Variants in CXorf38 observed in about 807,000 individuals in gnomAD.
CXorf38 encodes the protein uncharacterized protein CXorf38.
A neutral mutation model predicts 27.5 loss-of-function variants in CXorf38; 13 were observed. That is an observed-to-expected ratio of 0.47 (90% CI 0.31 to 0.75). The LOEUF is 0.75. Among genes scored for constraint, CXorf38 ranks in the 30% least tolerant of loss-of-function variants. The probability of loss-of-function intolerance (pLI) is 0.05; values close to 1 mark genes in which losing one functional copy is unlikely to be tolerated. For missense variants in CXorf38, 240 were observed against 253.2 expected, an observed-to-expected ratio of 0.95 and a Z score of 0.35; for synonymous variants, 100 against 99.8, an observed-to-expected ratio of 1.00 and a Z score of -0.01.
intron 2 of CXorf38, among the ~76,000 whole-genome samples, chrX:40,646,297 C>G (rs1474504126): frequency 9.2e-6 from 1 of 108,329 alleles, no homozygotes; most frequent in African/African-American, 3.4e-5. Flanking sequence ...TGTCACACCA[C>G]GGCAGCTGAT....
rs758989465 is a variant in CXorf38 at position 40,636,571 on chromosome X, A to G, written c.763T>C (p.Tyr255His). 2.7e-5 allele frequency: 33 copies of G among 1,202,654 alleles called. No homozygotes were observed. In the African/African-American group the frequency reaches 2.8e-4, roughly 10 times the overall value. The change falls in exon 5 of 7, where the codon TAT (tyrosine) becomes CAT (histidine). Residue 255 changes from tyrosine (Y) to histidine (H), a missense_variant. Tyr to His is a moderately conservative substitution (Grantham distance 83). Transcript: ENST00000327877. ...QLLKEKLQEI[Y>H]LQAEEQEVLP... ...ACCTCTTGTTCTTCTGCTTGAAGAT[A>G]TATCTCTTGAAGTTTCTCCTTTAGT...
In CXorf38 at chrX:40,647,531, T is replaced by A. The variant is rs1232107423; in HGVS notation, c.-11A>T. 14 of 1,177,554 alleles carry A rather than the reference T, an allele frequency of 1.2e-5. No homozygotes were observed. The highest frequency in any genetic ancestry group is 1.6e-5 in the Non-Finnish European group (14 of 883,881). ...CTCCGACAGCACCATGTCTCCCACT[T>A]GGAACCAGGAGGTTGCGGGGCGTGG... On this transcript the variant is annotated 5_prime_UTR_variant, in exon 1 of 7. Coordinates refer to ENST00000327877, the MANE Select transcript of CXorf38 (RefSeq NM_144970.3).
chrX:40,644,258 G>A (rs775521563), intron 2 of CXorf38, among the ~76,000 whole-genome samples: 1 of 112,443 alleles, frequency 8.9e-6, no homozygotes, highest in South Asian at 3.7e-4. Flanking sequence ...AGCTGCAAGA[G>A]AGAGAGTGGA....
At chrX:40,640,136 G>C in intron 2 of CXorf38, 1 of 293,022 alleles carries the variant, frequency 3.4e-6, no homozygotes, top group Non-Finnish European at 6.4e-6. Context: ...TTTGAGCCCA[G>C]CCTGGGCAAC....
At position 40,627,175 on chromosome X, in the gene CXorf38, A is replaced by G; in HGVS notation, c.*2989T>C. On this transcript the variant is annotated 3_prime_UTR_variant, in exon 7 of 7. Coordinates refer to ENST00000327877, the MANE Select transcript of CXorf38 (RefSeq NM_144970.3). Reference sequence around the variant, plus strand: ...CAAAGAGCATTACAGCTTGCTATGCATTTTTTTTTTTGGGGGGGGGGGGTT... The same window carrying G: ...CAAAGAGCATTACAGCTTGCTATGCGTTTTTTTTTTTGGGGGGGGGGGGTT... 1 of 68,671 alleles carries G rather than the reference A, an allele frequency of 1.5e-5. No homozygotes were observed. The highest frequency in any genetic ancestry group is 9.2e-4 in the South Asian group (1 of 1,087). 5.7% of individuals were successfully genotyped at this position (68,671 alleles called of 1,213,427 possible).
At chrX:40,631,204 T>G (rs189675631) in intron 5 of CXorf38, among the ~76,000 whole-genome samples, 9 of 107,272 alleles carry the variant, frequency 8.4e-5, no homozygotes, top group Non-Finnish European at 1.5e-4. Context: ...TATATACGTG[T>G]GTACATATAT....
rs1928100805 is a variant in CXorf38 at position 40,637,046 on chromosome X, G to A, written c.582C>T (p.Asn194=). Residue 194 remains asparagine (N), a synonymous_variant, in exon 4 of 7, where the codon AAC becomes AAT. Coordinates refer to ENST00000327877, the MANE Select transcript of CXorf38 (RefSeq NM_144970.3). ...KIQNFLNEFK[N]IPEIVAVYSR... ...AGTATACTGCCACAATCTCTGGGAT[G>A]TTCTTGAATTCATTCAGAAAATTTT... is the stretch of plus-strand genomic sequence containing the variant. 1.7e-6 allele frequency: 2 copies of A among 1,206,639 alleles called. No individual in the cohort carries two copies. The highest frequency in any genetic ancestry group is 3.0e-5 in the East Asian group (1 of 33,821).
chrX:40,630,458 C>A, intron 6 of CXorf38, 156 bp downstream of exon 6: 1 of 478,909 alleles, frequency 2.1e-6, no homozygotes, highest in Non-Finnish European at 3.3e-6. Flanking sequence ...AAGTGAAGAA[C>A]ACAAACCTCA....
At chrX:40,647,244 G>T in intron 1 of CXorf38, 61 bp downstream of exon 1, 1 of 899,884 alleles carries the variant, frequency 1.1e-6, no homozygotes. Context: ...TCTGGGACAG[G>T]AACGGGGATG....
intron 2 of CXorf38, among the ~76,000 whole-genome samples, chrX:40,642,228 G>C (rs1222415743): frequency 9.0e-6 from 1 of 111,164 alleles, no homozygotes; most frequent in African/African-American, 3.3e-5. Context: ...TGGTAATGGG[G>C]AACGGGCATA....
chrX:40,645,702 G>A (rs1011811742), intron 2 of CXorf38, among the ~76,000 whole-genome samples: 2 of 110,692 alleles, frequency 1.8e-5, no homozygotes, highest in Non-Finnish European at 3.8e-5. Context: ...CTGCAGCCTC[G>A]ACTTCCCAGG....
At chrX:40,633,303 ATTCT>A (rs1927913395) in intron 5 of CXorf38, among the ~76,000 whole-genome samples, 1 of 109,838 alleles carries the variant, frequency 9.1e-6, no homozygotes, top group Non-Finnish European at 1.9e-5. Flanking sequence ...TTCACCCACT[ATTCT>A]TTCAAGTCCT....
At position 40,647,379 on chromosome X, in the gene CXorf38, G is replaced by C. The variant is rs1486146252; in HGVS notation, c.142C>G (p.Leu48Val). Residue 48 changes from leucine to valine, a missense_variant, in exon 1 of 7, where the codon CTC becomes GTC. Transcript: ENST00000327877. ...GGCCCCAGGCCGGGGGCTGCGGCGA[G>C]TAGGCCGCGGTGGAAGGAGAGCACC... is the stretch of plus-strand genomic sequence containing the variant. ...REVLSFHRGL[L>V]AAAPGLGPRA... 2 of 1,173,469 alleles carry C rather than the reference G, an allele frequency of 1.7e-6. No homozygotes were observed. Among genetic ancestry groups the C allele is most frequent in the East Asian group, 3.3e-5 (1 of 30,391 alleles).
Position 40,639,080 on chromosome X carries a change from C to T in CXorf38, c.400G>A (p.Asp134Asn). 8.3e-7 allele frequency: 1 copy of T among 1,210,939 alleles called. No homozygotes were observed. Among genetic ancestry groups the T allele is most frequent in the Non-Finnish European group, 1.1e-6 (1 of 894,658 alleles). The stretch of plus-strand genomic sequence containing the variant: ...ATGAGACTTAAAAGAGCAACTGCAT[C>T]ACATTCCTCAGGTCCTTGTTTGTCT... ...LADKQGPEEC[D>N]AVALLSLINS... The change falls in exon 3 of 7, where the codon GAT becomes AAT. Residue 134 changes from aspartate (D) to asparagine (N), a missense_variant. Asp to Asn is a conservative substitution (Grantham distance 23, BLOSUM62 1). Transcript: ENST00000327877.
intron 5 of CXorf38, among the ~76,000 whole-genome samples, chrX:40,631,494 C>T (rs181860059): frequency 9.8e-4 from 108 of 110,314 alleles, no homozygotes; most frequent in Admixed American, 4.3e-3. Flanking sequence ...TTAGTAGAGA[C>T]GGGGTTTTGC....
Position 40,633,943 on chromosome X carries a change from C to T in CXorf38, c.801+2590G>A, listed in dbSNP as rs372308585. Among the ~76,000 whole-genome samples, 404 of 110,617 alleles carry T rather than the reference C, an allele frequency of 3.7e-3. 5 individuals are homozygous for T. The highest frequency in any genetic ancestry group is 0.012 in the African/African-American group (367 of 30,396). On this transcript the variant is annotated intron_variant, in intron 5 of 6. Transcript: ENST00000327877. The stretch of plus-strand genomic sequence containing the variant: ...ATTCTGGGGCAGATGAGCCCATGGC[C>T]GACACAAACTCCACATGTGTTACAA...
chrX:40,641,643 C>T (rs769648816), intron 2 of CXorf38, among the ~76,000 whole-genome samples: 3 of 111,989 alleles, frequency 2.7e-5, no homozygotes, highest in Non-Finnish European at 3.8e-5. Flanking sequence ...CCGCCTGCTT[C>T]GGCCTCCCAA....
intron 2 of CXorf38, among the ~76,000 whole-genome samples, chrX:40,643,835 A>C (rs1928456576): frequency 8.9e-6 from 1 of 112,281 alleles, no homozygotes; most frequent in Admixed American, 9.4e-5. Flanking sequence ...AATGGAGTCT[A>C]AATGGAATTT....
chrX:40,646,241 C>T (rs1928567430), intron 2 of CXorf38, among the ~76,000 whole-genome samples: 2 of 16,205 alleles, frequency 1.2e-4, no homozygotes, highest in African/African-American at 3.4e-4. Context: ...CCACTGCGCC[C>T]GGCCGTCCTT....
Sources: gnomAD v4.1 joint callset for allele counts (sites outside exome capture counted in the v4.1 genomes callset) on GRCh38, gnomAD v4.1.1 for gene constraint, MANE v1.5 for transcripts, NCBI Gene and HGNC (gene_info 2026-07-23, HGNC 2026-07-21) for gene names.